TAS2R1: variants seen among roughly 807,000 people sequenced by gnomAD.
TAS2R1 encodes taste 2 receptor member 1, also known as taste receptor type 2 member 1.
For synonymous variants in TAS2R1, 141 were observed against 134.2 expected, an observed-to-expected ratio of 1.05 and a Z score of -0.35; for missense variants, 370 against 353.4, an observed-to-expected ratio of 1.05 and a Z score of -0.38.
the TAS2R1 span, among the ~76,000 whole-genome samples, chr5:9,758,540 AGAG>A: frequency 6.6e-6 from 1 of 152,340 alleles, no homozygotes; most frequent in South Asian, 2.1e-4. Context: ...CTCACCCAAC[AGAG>A]AAGAGACCAT....
At chr5:9,812,699 A>G in the TAS2R1 span, among the ~76,000 whole-genome samples, 1 of 152,156 alleles carries the variant, frequency 6.6e-6, no homozygotes, top group Admixed American at 6.5e-5. Flanking sequence ...CCAGGAACTT[A>G]GTAACAGTCA....
At chr5:9,855,161 C>T in the TAS2R1 span, among the ~76,000 whole-genome samples, 2 of 152,264 alleles carry the variant, frequency 1.3e-5, no homozygotes, top group Non-Finnish European at 2.9e-5. Context: ...GACTGACTTG[C>T]AATCAGGGAG....
chr5:9,638,701 T>TGA (rs1238368593), intron 2 of TAS2R1, among the ~76,000 whole-genome samples: 2 of 152,120 alleles, frequency 1.3e-5, no homozygotes, highest in Non-Finnish European at 2.9e-5. Flanking sequence ...TTCTATGTCT[T>TGA]GAGTTTGGCT....
At position 9,628,128 on chromosome 5, in the gene TAS2R1, TTATCTATC is replaced by T. The variant is rs35524938; in HGVS notation, c.*997_*1004del. On this transcript the variant is annotated 3_prime_UTR_variant, in exon 1 of 1. Transcript: ENST00000382492. ...ATACAAGTATATCTATCTCCATAAT[TTATCTATC>T]TATCTATCTATCTATCTATCTATCT... 0.05 allele frequency among the ~76,000 whole-genome samples: 7,345 copies of T among 146,536 alleles called. 207 individuals carry two copies. Among genetic ancestry groups the T allele is most frequent in the African/African-American group, 0.065 (2,562 of 39,412 alleles).
At chr5:9,697,388 A>T (rs956343829) in intron 1 of TAS2R1, among the ~76,000 whole-genome samples, 1 of 152,186 alleles carries the variant, frequency 6.6e-6, no homozygotes, top group Admixed American at 6.6e-5. Flanking sequence ...TAGATAAATT[A>T]TTCAGGGCAT....
At chr5:9,633,297 TA>T (rs1739906678), upstream of TAS2R1, among the ~76,000 whole-genome samples, 11 of 92,584 alleles carry the variant, frequency 1.2e-4, no homozygotes, top group African/African-American at 4.4e-4. Flanking sequence ...GTGTATATTA[TA>T]TATATATATA....
intron 2 of TAS2R1, among the ~76,000 whole-genome samples, chr5:9,636,162 T>A (rs1405084597): frequency 2.6e-5 from 4 of 152,110 alleles, no homozygotes; most frequent in African/African-American, 4.8e-5. Context: ...TCAAATAATT[T>A]TTTTTAATTT....
chr5:9,673,252 A>G (rs920319596), intron 1 of TAS2R1, among the ~76,000 whole-genome samples: 2 of 152,148 alleles, frequency 1.3e-5, no homozygotes, highest in Non-Finnish European at 2.9e-5. Context: ...GTGACATGCA[A>G]TTTACCTTAT....
At chr5:9,895,106 C>A in the TAS2R1 span, among the ~76,000 whole-genome samples, 52 of 152,248 alleles carry the variant, frequency 3.4e-4, no homozygotes, top group African/African-American at 1.1e-3. Context: ...TACCTTATAC[C>A]AAAGGCCTCG....
chr5:9,755,906 G>A, the TAS2R1 span, among the ~76,000 whole-genome samples: 2 of 152,132 alleles, frequency 1.3e-5, no homozygotes, highest in African/African-American at 4.8e-5. Context: ...GGTTTTGGTG[G>A]GTTTTAGCCA....
the TAS2R1 span, among the ~76,000 whole-genome samples, chr5:9,802,763 C>T: frequency 2.0e-3 from 304 of 152,092 alleles, 12 homozygotes; most frequent in East Asian, 0.037. Flanking sequence ...ATTAGCCGGA[C>T]GTGGTGGCGG....
chr5:9,766,547 G>T, the TAS2R1 span, among the ~76,000 whole-genome samples: 2 of 152,306 alleles, frequency 1.3e-5, no homozygotes, highest in East Asian at 3.9e-4. Flanking sequence ...AGGTCACCTG[G>T]GTTGGATGAG....
upstream of TAS2R1, among the ~76,000 whole-genome samples, chr5:9,714,643 CA>C (rs1408395785): frequency 6.6e-6 from 1 of 152,158 alleles, no homozygotes; most frequent in Non-Finnish European, 1.5e-5. Context: ...TAAGAGATGA[CA>C]AAAAACAAAA....
chr5:9,850,236 C>T, the TAS2R1 span, among the ~76,000 whole-genome samples: 2 of 152,304 alleles, frequency 1.3e-5, no homozygotes, highest in African/African-American at 4.8e-5. Context: ...TATGACATTG[C>T]TTGTCTACAA....
the TAS2R1 span, among the ~76,000 whole-genome samples, chr5:9,877,801 C>A: frequency 6.6e-6 from 1 of 152,198 alleles, no homozygotes; most frequent in Admixed American, 6.5e-5. Flanking sequence ...CCCACTGAGA[C>A]AGAAGTGTAA....
chr5:9,710,407 G>A (rs1741705621), intron 1 of TAS2R1, among the ~76,000 whole-genome samples: 1 of 152,240 alleles, frequency 6.6e-6, no homozygotes. Context: ...ACATGTCATA[G>A]TTGCCACTTT....
upstream of TAS2R1, chr5:9,713,766 G>C (rs1393338490): frequency 6.6e-6 from 1 of 152,158 alleles, no homozygotes; most frequent in Non-Finnish European, 1.5e-5. Context: ...TAAAATAACA[G>C]GAGAAATTGA....
At chr5:9,691,633 TGAA>T (rs565892552) in intron 1 of TAS2R1, among the ~76,000 whole-genome samples, 264 of 152,346 alleles carry the variant, frequency 1.7e-3, no homozygotes, top group Middle Eastern at 6.8e-3. Context: ...GCATGAAGAC[TGAA>T]GAAGTGAAGC....
At chr5:9,739,376 C>T in the TAS2R1 span, among the ~76,000 whole-genome samples, 2 of 152,204 alleles carry the variant, frequency 1.3e-5, no homozygotes, top group African/African-American at 4.8e-5. Context: ...GTTAACTAAC[C>T]TACCCCTGGA....
Sources: gnomAD v4.1 joint callset for allele counts (sites outside exome capture counted in the v4.1 genomes callset) on GRCh38, gnomAD v4.1.1 for gene constraint, MANE v1.5 for transcripts, NCBI Gene and HGNC (gene_info 2026-07-23, HGNC 2026-07-21) for gene names.